SLC16A6: variants seen among roughly 807,000 people sequenced by gnomAD.
SLC16A6 encodes the protein solute carrier family 16 member 6.
Under a neutral mutation model 33.8 loss-of-function variants are expected in SLC16A6, and 15 were observed. The observed-to-expected ratio is 0.44, with a 90% CI of 0.30 to 0.68. The LOEUF is 0.68. Ranked by LOEUF, SLC16A6 falls within the 30% of genes least tolerant of loss-of-function variation. The pLI, the probability that SLC16A6 is intolerant of heterozygous loss-of-function variation, is 0.10. For synonymous variants in SLC16A6, 219 were observed against 248.4 expected, an observed-to-expected ratio of 0.88 and a Z score of 1.11; for missense variants, 451 against 661.5, an observed-to-expected ratio of 0.68 and a Z score of 3.49.
Position 68,278,326 on chromosome 17 carries a change from A to G in SLC16A6, c.-6T>C, listed in dbSNP as rs1226759310. ...TTTAATTTATTTTGGGTCATTCTTA[A>G]TCTGAAAGAAAAAGTTAAAAGCAAT... On this transcript the variant is annotated splice_region_variant and 5_prime_UTR_variant, in exon 2 of 6. Transcript: ENST00000580666. 1.2e-6 allele frequency: 2 copies of G among 1,607,004 alleles called. No homozygotes were observed. Among genetic ancestry groups the G allele is most frequent in the Non-Finnish European group, 1.7e-6 (2 of 1,174,966 alleles).
chr17:68,274,125 G>C, intron 2 of SLC16A6, 55 bp from the exon 3 acceptor site: 1 of 1,570,776 alleles, frequency 6.4e-7, no homozygotes, highest in Non-Finnish European at 8.7e-7. Flanking sequence ...AGGGTTAGCT[G>C]CCATAAGACT....
In SLC16A6 at chr17:68,268,340, C is replaced by A. The variant is rs1166810580; in HGVS notation, c.*756G>T. 1 of 152,216 alleles carries A rather than the reference C, an allele frequency of 6.6e-6. No homozygotes were observed. Among genetic ancestry groups the A allele is most frequent in the Non-Finnish European group, 1.5e-5 (1 of 67,958 alleles). 9.4% of individuals were successfully genotyped at this position (152,216 alleles called of 1,614,324 possible). On this transcript the variant is annotated 3_prime_UTR_variant, in exon 6 of 6. Coordinates refer to ENST00000580666, the MANE Select transcript of SLC16A6 (RefSeq NM_004694.5). ...GCAACAGGAAACACATTTTTAAATGCCATTTTGTATATTCTGTACTGAAAC... is the reference window on the plus strand; with the variant it reads ...GCAACAGGAAACACATTTTTAAATGACATTTTGTATATTCTGTACTGAAAC...
At position 68,268,268 on chromosome 17, in the gene SLC16A6, G is replaced by A. The variant is rs71387392; in HGVS notation, c.*828C>T. The A allele has an allele frequency of 0.047, 7,201 of 152,266 alleles. 194 individuals are homozygous for A. The highest frequency in any genetic ancestry group is 0.068 in the African/African-American group (2,827 of 41,398). The allele number at this position is 152,266 out of a possible 1,614,324, so 9.4% of individuals were successfully genotyped here. On this transcript the variant is annotated 3_prime_UTR_variant, in exon 6 of 6. Coordinates refer to ENST00000580666, the MANE Select transcript of SLC16A6 (RefSeq NM_004694.5). ...CTAGAATAACTTAATAATAAATAGC[G>A]GTTTAAATTAAAGACACTACAGTCA...
At position 68,272,704 on chromosome 17, in the gene SLC16A6, C is replaced by G; in HGVS notation, c.440G>C (p.Arg147Thr). The G allele has an allele frequency of 6.2e-7, 1 of 1,614,170 alleles. No individual in the cohort carries two copies. Among genetic ancestry groups the G allele is most frequent in the Non-Finnish European group, 8.5e-7 (1 of 1,179,998 alleles). ...AGCAACTGCAGTGACTATGGAACGT[C>G]TTTTGCCAAAATATTGTGATAGGAT... ...VTILSQYFGK[R>T]RSIVTAVAST... Residue 147 changes from arginine (R) to threonine (T), a missense_variant, in exon 4 of 6, where the codon AGA becomes ACA. Coordinates refer to ENST00000580666, the MANE Select transcript of SLC16A6 (RefSeq NM_004694.5).
intron 3 of SLC16A6, 51 bp from the exon 4 acceptor site, chr17:68,272,818 C>G (rs1555749502): frequency 6.2e-7 from 1 of 1,603,062 alleles, no homozygotes; most frequent in Non-Finnish European, 8.5e-7. Flanking sequence ...CTGCTTGAGA[C>G]TGGAAGGATG....
chr17:68,269,673 G>GATTTTTTTTT (rs2075268269), intron 5 of SLC16A6, among the ~76,000 whole-genome samples: 1 of 77,912 alleles, frequency 1.3e-5, no homozygotes, highest in African/African-American at 7.5e-5. Context: ...TTCACTTTAG[G>GATTTTTTTTT]TTTTTTTTTT....
intron 1 of SLC16A6, among the ~76,000 whole-genome samples, chr17:68,289,311 G>T (rs1555755078): frequency 1.3e-5 from 2 of 152,186 alleles, no homozygotes; most frequent in Middle Eastern, 3.4e-3. Context: ...TAAATAAGTA[G>T]GTATCTTGCC....
At chr17:68,273,071 T>C (rs1599502690) in intron 3 of SLC16A6, among the ~76,000 whole-genome samples, 1 of 152,134 alleles carries the variant, frequency 6.6e-6, no homozygotes, top group East Asian at 1.9e-4. Context: ...AAATTTTATA[T>C]AAGATTTGTA....
intron 1 of SLC16A6, among the ~76,000 whole-genome samples, chr17:68,286,170 AT>A (rs2075838189): frequency 1.3e-5 from 2 of 152,226 alleles, no homozygotes; most frequent in Non-Finnish European, 2.9e-5. Context: ...ATTACCTGCC[AT>A]CATGAGAAGG....
Position 68,272,633 on chromosome 17 carries a change from A to G in SLC16A6, c.505+6T>C. On this transcript the variant is annotated splice_donor_region_variant and intron_variant, in intron 4 of 5. Coordinates refer to ENST00000580666, the MANE Select transcript of SLC16A6 (RefSeq NM_004694.5). ...ATTCATACTTAGGCTGTTGTAGTCC[A>G]CCTACCTGGTGCGAAAGCAAACACA... is the stretch of plus-strand genomic sequence containing the variant. The G allele has an allele frequency of 6.2e-7, 1 of 1,613,790 alleles. No homozygotes were observed. The highest frequency in any genetic ancestry group is 8.5e-7 in the Non-Finnish European group (1 of 1,179,712).
intron 2 of SLC16A6, among the ~76,000 whole-genome samples, chr17:68,275,249 A>C (rs2075476614): frequency 6.6e-6 from 1 of 152,216 alleles, no homozygotes; most frequent in African/African-American, 2.4e-5. Context: ...GTTATAGGTT[A>C]CTTAATATTA....
chr17:68,284,481 G>T (rs1471688115), intron 1 of SLC16A6, among the ~76,000 whole-genome samples: 1 of 152,150 alleles, frequency 6.6e-6, no homozygotes, highest in East Asian at 1.9e-4. Flanking sequence ...TCAGGGTCAG[G>T]GTGCATTATA....
intron 1 of SLC16A6, among the ~76,000 whole-genome samples, chr17:68,283,606 A>T (rs1489495667): frequency 6.6e-6 from 1 of 151,926 alleles, no homozygotes; most frequent in Non-Finnish European, 1.5e-5. Context: ...GGATCACCTG[A>T]GGTTGGGAGT....
intron 1 of SLC16A6, chr17:68,285,711 T>A (rs1327383081): frequency 1.3e-5 from 2 of 151,552 alleles, no homozygotes; most frequent in African/African-American, 4.8e-5. Context: ...CAAGTGACCC[T>A]ACTCAGCCTC....
chr17:68,279,791 CAT>C (rs1285025526), intron 1 of SLC16A6, among the ~76,000 whole-genome samples: 2 of 152,154 alleles, frequency 1.3e-5, no homozygotes, highest in Admixed American at 6.6e-5. Context: ...TTGAAACAGT[CAT>C]GTGTATTTTT....
rs1483849476 is a variant in SLC16A6 at position 68,268,817 on chromosome 17, T to G, written c.*279A>C. 1 of 430,608 alleles carries G rather than the reference T, an allele frequency of 2.3e-6. No individual in the cohort carries two copies. The highest frequency in any genetic ancestry group is 4.0e-6 in the Non-Finnish European group (1 of 247,760). The allele number at this position is 430,608 out of a possible 1,614,324, so 26.7% of individuals were successfully genotyped here. ...ATGTGAACCAAAGAGTCTTTCTACA[T>G]ATCTCTTGTATTGCTACTGAATACA... is the stretch of plus-strand genomic sequence containing the variant. On this transcript the variant is annotated 3_prime_UTR_variant, in exon 6 of 6. Transcript: ENST00000580666.
intron 2 of SLC16A6, among the ~76,000 whole-genome samples, chr17:68,277,104 T>C (rs1279961723): frequency 2.0e-5 from 3 of 152,098 alleles, no homozygotes; most frequent in Non-Finnish European, 2.9e-5. Context: ...CTTGGAATTA[T>C]GAGATTGGGG....
In SLC16A6 at chr17:68,269,213, A is replaced by C; in HGVS notation, c.1455T>G (p.Gly485=). The change falls in exon 6 of 6, where the codon GGT becomes GGG. Residue 485 remains glycine (G), a synonymous_variant. Coordinates refer to ENST00000580666, the MANE Select transcript of SLC16A6 (RefSeq NM_004694.5). ...KMGLCQHHHS[G]ETKVVSHRGK... is the part of the protein sequence containing the mutation. ...CACGATGGCTCACTACCTTTGTTTC[A>C]CCTGAGTGATGATGCTGGCACAGTC... 6.4e-7 allele frequency: 1 copy of C among 1,562,894 alleles called. No homozygotes were observed. Among genetic ancestry groups the C allele is most frequent in the South Asian group, 1.2e-5 (1 of 85,856 alleles).
rs2075382206 is a variant in SLC16A6 at position 68,272,735 on chromosome 17, C to T, written c.409G>A (p.Val137Ile). The part of the protein sequence containing the change: ...LGYCFSFLPT[V>I]TILSQYFGKR... ...CCAAAATATTGTGATAGGATGGTTA[C>T]AGTTGGGAGAAAACTAAAGCAGTAT... Residue 137 changes from valine (V) to isoleucine (I), a missense_variant, in exon 4 of 6, where the codon GTA (valine) becomes ATA (isoleucine). Val to Ile is a conservative substitution (Grantham distance 29). Coordinates refer to ENST00000580666, the MANE Select transcript of SLC16A6 (RefSeq NM_004694.5). The T allele has an allele frequency of 6.2e-7, 1 of 1,613,982 alleles. No individual in the cohort carries two copies. Among genetic ancestry groups the T allele is most frequent in the Admixed American group, 1.7e-5 (1 of 60,002 alleles).
Sources: gnomAD v4.1 joint callset for allele counts (sites outside exome capture counted in the v4.1 genomes callset) on GRCh38, gnomAD v4.1.1 for gene constraint, MANE v1.5 for transcripts, NCBI Gene and HGNC (gene_info 2026-07-23, HGNC 2026-07-21) for gene names.